Variants in AK9 observed in about 807,000 individuals in gnomAD.
The protein encoded by AK9 is adenylate kinase domain containing 1.
In AK9, 191 loss-of-function variants were observed where a neutral mutation model predicts 239.6. That is an observed-to-expected ratio of 0.80 (90% CI 0.71 to 0.90). The LOEUF (loss-of-function observed/expected upper bound fraction) is 0.90, where lower values mean the gene tolerates loss of function less well. Ranked by LOEUF, AK9 falls within the 40% of genes least tolerant of loss-of-function variation. The probability of loss-of-function intolerance (pLI) is 0.00; values close to 1 mark genes in which losing one functional copy is unlikely to be tolerated. For synonymous variants in AK9, 689 were observed against 721.0 expected (o/e 0.96, Z 0.71); for missense variants, 1,995 against 2,214.7 (o/e 0.90, Z 1.99).
chr6:109,554,274 C>T (rs1407547033), intron 24 of AK9, among the ~76,000 whole-genome samples: 1 of 152,114 alleles, frequency 6.6e-6, no homozygotes, highest in Admixed American at 6.5e-5. Flanking sequence ...AGTAATGGTA[C>T]CAGCTCCTCT....
At position 109,516,875 on chromosome 6, in the gene AK9, A is replaced by C. The variant is rs887964246; in HGVS notation, c.3634-233T>G. On this transcript the variant is annotated intron_variant, in intron 29 of 40. Coordinates refer to ENST00000424296, the MANE Select transcript of AK9 (RefSeq NM_001145128.3). ...TTCTGGTTCCTTCTCATTTAGGTAG[A>C]CTATTTCTTCTAATTATTTTTGAAT... 2.6e-5 allele frequency among the ~76,000 whole-genome samples: 4 copies of C among 152,198 alleles called. No individual in the cohort carries two copies. The South Asian group carries it at 8.3e-4, about 32-fold the overall frequency.
chr6:109,645,440 A>G (rs2884101), intron 8 of AK9, among the ~76,000 whole-genome samples: 88,635 of 152,146 alleles, frequency 0.58, 27,516 homozygotes, highest in East Asian at 0.84. Context: ...CCATGCCCAC[A>G]GAGCCTTGCT....
At chr6:109,580,283 T>C (rs1788662740) in intron 19 of AK9, among the ~76,000 whole-genome samples, 1 of 152,122 alleles carries the variant, frequency 6.6e-6, no homozygotes, top group Non-Finnish European at 1.5e-5. Flanking sequence ...CTGTTTTTCA[T>C]TAGGATTGAA....
chr6:109,633,375 T>C, intron 10 of AK9, 52 bp from the exon 11 acceptor site: 1 of 1,504,674 alleles, frequency 6.6e-7, no homozygotes. Context: ...TTTGCTGAAA[T>C]TAGGAGCATT....
At chr6:109,537,252 T>C (rs1490421830) in intron 27 of AK9, among the ~76,000 whole-genome samples, 1 of 152,134 alleles carries the variant, frequency 6.6e-6, no homozygotes, top group African/African-American at 2.4e-5. Context: ...TTTTGGTTGG[T>C]AGGCTATTAA....
In AK9 at chr6:109,546,044, G is replaced by T; in HGVS notation, c.3048C>A (p.Asn1016Lys). 6.9e-7 allele frequency: 1 copy of T among 1,453,492 alleles called. No homozygotes were observed. Among genetic ancestry groups the T allele is most frequent in the Non-Finnish European group, 9.3e-7 (1 of 1,079,020 alleles). 90.0% of individuals were successfully genotyped at this position (1,453,492 alleles called of 1,614,324 possible). ...CTTCTTCAAACTGAATGTGAAAAAT[G>T]TTTAATTTTTCTGCCAACTGTCTTC... ...MCGRQLAEKLNIFHIQFEEVL... is the reference protein window; with the variant it reads ...MCGRQLAEKLKIFHIQFEEVL... The change falls in exon 26 of 41, where the codon AAC (asparagine) becomes AAA (lysine). Residue 1016 changes from asparagine to lysine, a missense_variant. Around this residue, in one of 5 missense-constraint regions of AK9, gnomAD observed 1,290 missense variants for 1,392.7 expected, o/e 0.93. Coordinates refer to ENST00000424296, the MANE Select transcript of AK9 (RefSeq NM_001145128.3).
intron 27 of AK9, among the ~76,000 whole-genome samples, chr6:109,539,162 G>A (rs1382000744): frequency 2.0e-5 from 3 of 152,086 alleles, no homozygotes; most frequent in Non-Finnish European, 2.9e-5. Context: ...GCCTTGCTAG[G>A]TTGGGGAAAT....
At chr6:109,594,102 A>G (rs965985581) in intron 17 of AK9, among the ~76,000 whole-genome samples, 2 of 152,222 alleles carry the variant, frequency 1.3e-5, no homozygotes, top group Non-Finnish European at 2.9e-5. Flanking sequence ...ACATGATTGT[A>G]TATTTAGAAG....
Position 109,529,069 on chromosome 6 carries a change from T to G in AK9, c.3575A>C (p.Asp1192Ala). The G allele has an allele frequency of 6.4e-7, 1 of 1,572,740 alleles. No homozygotes were observed. The highest frequency in any genetic ancestry group is 8.6e-7 in the Non-Finnish European group (1 of 1,167,426). Residue 1192 changes from aspartate to alanine, a missense_variant, in exon 29 of 41, where the codon GAT becomes GCT. This residue lies in a region of AK9 where 1,290 missense variants were observed against 1,392.7 expected (regional missense o/e 0.93). Transcript: ENST00000424296. The part of the protein sequence containing the change: ...IKDMKAKIRV[D>A]TIAKRRAELI... ...TTCAGCCCTTCTTTTAGCAATCGTA[T>G]CAACCTGTTAAAGAAAGAGACATTA...
intron 6 of AK9, among the ~76,000 whole-genome samples, chr6:109,660,475 C>G (rs1405565878): frequency 6.6e-6 from 1 of 152,098 alleles, no homozygotes; most frequent in Admixed American, 6.6e-5. Context: ...AATGTTGGAA[C>G]CTTCATTGCT....
At chr6:109,529,224 T>G (rs1398102689) in intron 28 of AK9, 151 bp from the exon 29 acceptor site, 4 of 886,890 alleles carry the variant, frequency 4.5e-6, no homozygotes, top group Non-Finnish European at 6.4e-6. Context: ...GTAATCATGT[T>G]GCTTGGCTTG....
intron 28 of AK9, among the ~76,000 whole-genome samples, chr6:109,530,934 T>C (rs1781149470): frequency 6.6e-6 from 1 of 152,110 alleles, no homozygotes; most frequent in South Asian, 2.1e-4. Context: ...TCCCAGCTAC[T>C]TGGGAGGCTG....
intron 5 of AK9, 86 bp downstream of exon 5, chr6:109,671,833 G>A: frequency 8.5e-7 from 1 of 1,174,144 alleles, no homozygotes; most frequent in Non-Finnish European, 1.2e-6. Flanking sequence ...AAAAGAAAGG[G>A]CAACTCCAGA....
chr6:109,575,023 G>T (rs761808512), intron 20 of AK9, among the ~76,000 whole-genome samples: 1 of 152,118 alleles, frequency 6.6e-6, no homozygotes, highest in Non-Finnish European at 1.5e-5. Flanking sequence ...CCAGGTTGCT[G>T]CAAAAACCAT....
Position 109,493,966 on chromosome 6 carries a change from T to C in AK9, c.5533+15A>G, listed in dbSNP as rs1400531585. ...TAAATTTGTTCTGAGTAGTAAATAATTAAAAAAGACATACCTTTGAGATGA... is the reference window on the plus strand; with the variant it reads ...TAAATTTGTTCTGAGTAGTAAATAACTAAAAAAGACATACCTTTGAGATGA... On this transcript the variant is annotated intron_variant, in intron 40 of 40. Transcript: ENST00000424296. 1 of 1,555,022 alleles carries C rather than the reference T, an allele frequency of 6.4e-7. No individual in the cohort carries two copies. Among genetic ancestry groups the C allele is most frequent in the African/African-American group, 1.4e-5 (1 of 73,492 alleles).
At chr6:109,582,134 C>A (rs1253463123) in intron 19 of AK9, among the ~76,000 whole-genome samples, 1 of 152,208 alleles carries the variant, frequency 6.6e-6, no homozygotes, top group Non-Finnish European at 1.5e-5. Flanking sequence ...TGCAGATAGT[C>A]ACCCAAGAGC....
At chr6:109,527,213 T>C (rs1391282052) in intron 29 of AK9, among the ~76,000 whole-genome samples, 1 of 152,040 alleles carries the variant, frequency 6.6e-6, no homozygotes, top group African/African-American at 2.4e-5. Context: ...CATTTCCCTA[T>C]GAAATTAATG....
chr6:109,650,210 G>A (rs948656645), intron 8 of AK9, among the ~76,000 whole-genome samples: 1 of 151,674 alleles, frequency 6.6e-6, no homozygotes, highest in African/African-American at 2.4e-5. Context: ...AAAAGCAATG[G>A]CAACAAAAGC....
At chr6:109,650,974 C>T (rs181288231) in intron 8 of AK9, among the ~76,000 whole-genome samples, 4 of 152,126 alleles carry the variant, frequency 2.6e-5, no homozygotes, top group South Asian at 2.1e-4. Context: ...AGCAAACTAT[C>T]GCAAGGACAA....
Sources: allele counts gnomAD v4.1 joint callset (sites outside exome capture counted in the v4.1 genomes callset), GRCh38; gene constraint gnomAD v4.1.1; regional missense constraint gnomAD v4.1.1; transcripts MANE v1.5; gene names NCBI Gene and HGNC (gene_info 2026-07-23, HGNC 2026-07-21).